ATP6V0D1: variants seen among roughly 807,000 people sequenced by gnomAD.
ATP6V0D1 encodes V-type proton ATPase subunit d 1.
ATP6V0D1 carries 13 observed loss-of-function variants against 39.0 expected under a neutral mutation model. That is an observed-to-expected ratio of 0.33 (90% CI 0.22 to 0.53). The LOEUF is 0.53. Among genes scored for constraint, ATP6V0D1 ranks in the 20% least tolerant of loss-of-function variants. The pLI, the probability that ATP6V0D1 is intolerant of heterozygous loss-of-function variation, is 0.94. For missense variants in ATP6V0D1, 272 were observed against 470.9 expected (o/e 0.58, Z 3.91); for synonymous variants, 191 against 191.2 (o/e 1.00, Z 0.01).
chr16:67,451,647 T>G (rs988729195), intron 2 of ATP6V0D1, among the ~76,000 whole-genome samples: 4 of 152,202 alleles, frequency 2.6e-5, no homozygotes, highest in African/African-American at 9.7e-5. Context: ...GGCTGACACG[T>G]GACTGCTGAG....
At chr16:67,465,654 C>T (rs954894920) in intron 1 of ATP6V0D1, among the ~76,000 whole-genome samples, 2 of 152,200 alleles carry the variant, frequency 1.3e-5, no homozygotes, top group Non-Finnish European at 2.9e-5. Flanking sequence ...GTGTGGTGGG[C>T]AAGGCTGGAG....
intron 1 of ATP6V0D1, among the ~76,000 whole-genome samples, chr16:67,459,633 C>G (rs1377154422): frequency 6.6e-6 from 1 of 152,244 alleles, no homozygotes; most frequent in East Asian, 1.9e-4. Flanking sequence ...GAGGTGGCAG[C>G]TGGGCAGCCC....
chr16:67,473,605 G>C (rs2041392508), intron 1 of ATP6V0D1, among the ~76,000 whole-genome samples: 1 of 152,110 alleles, frequency 6.6e-6, no homozygotes, highest in Admixed American at 6.5e-5. Flanking sequence ...CTCACTGCAA[G>C]CTCCACTTCC....
chr16:67,479,558 A>G (rs2041446355), intron 1 of ATP6V0D1, among the ~76,000 whole-genome samples: 1 of 152,188 alleles, frequency 6.6e-6, no homozygotes, highest in African/African-American at 2.4e-5. Flanking sequence ...CAATTATTGT[A>G]TTTTAACGGT....
intron 2 of ATP6V0D1, among the ~76,000 whole-genome samples, chr16:67,446,563 G>T (rs1029725860): frequency 6.6e-6 from 1 of 152,134 alleles, no homozygotes; most frequent in Non-Finnish European, 1.5e-5. Context: ...CTCAGAGCTC[G>T]CCAGAGCTTT....
At chr16:67,457,416 G>A in intron 1 of ATP6V0D1, 1 of 426,784 alleles carries the variant, frequency 2.3e-6, no homozygotes, top group Non-Finnish European at 4.3e-6. Flanking sequence ...CCCAGCCCTT[G>A]ACCCAGGACA....
intron 1 of ATP6V0D1, among the ~76,000 whole-genome samples, chr16:67,458,175 C>A (rs926581417): frequency 6.6e-6 from 1 of 152,232 alleles, no homozygotes; most frequent in African/African-American, 2.4e-5. Flanking sequence ...CAGTGGCTGG[C>A]AGCCCCAAGC....
At chr16:67,475,200 A>G (rs2041405045) in intron 1 of ATP6V0D1, among the ~76,000 whole-genome samples, 1 of 152,194 alleles carries the variant, frequency 6.6e-6, no homozygotes, top group South Asian at 2.1e-4. Flanking sequence ...TTCTAGAGCT[A>G]ATCTCTCCTT....
chr16:67,467,572 C>T (rs1351981089), intron 1 of ATP6V0D1, among the ~76,000 whole-genome samples: 1 of 152,124 alleles, frequency 6.6e-6, no homozygotes, highest in Non-Finnish European at 1.5e-5. Context: ...CTGGCTAGGA[C>T]TGCGCTGTTG....
Position 67,481,147 on chromosome 16 carries a change from C to A in ATP6V0D1, c.-61G>T, listed in dbSNP as rs2041473444. On this transcript the variant is annotated 5_prime_UTR_variant, in exon 1 of 8. Transcript: ENST00000290949. The stretch of plus-strand genomic sequence containing the variant: ...ACCGGCCGGCACGAATCGCGACTCC[C>A]CAGGTCAGCTGACGCTGCGTCCTCA... 4 of 1,605,266 alleles carry A rather than the reference C, an allele frequency of 2.5e-6. No homozygotes were observed. The highest frequency in any genetic ancestry group is 1.7e-5 in the Admixed American group (1 of 59,538).
intron 1 of ATP6V0D1, among the ~76,000 whole-genome samples, chr16:67,475,480 C>T (rs537922235): frequency 6.6e-6 from 1 of 152,342 alleles, no homozygotes; most frequent in South Asian, 2.1e-4. Flanking sequence ...ATGGGCCCTT[C>T]ACCCATGGCC....
rs550292011 is a variant in ATP6V0D1 at position 67,459,885 on chromosome 16, C to T, written c.131-6170G>A. ...GGCAGCCCCTGGCCAGCATACTGGG[C>T]GGGGCAGACCCGCTTGAGGCTCCCC... On this transcript the variant is annotated intron_variant, in intron 1 of 7. Coordinates refer to ENST00000290949, the MANE Select transcript of ATP6V0D1 (RefSeq NM_004691.5). Among the ~76,000 whole-genome samples the T allele has an allele frequency of 3.9e-5, 6 of 152,342 alleles. No homozygotes were observed. In the South Asian group the frequency reaches 6.2e-4, roughly 16 times the overall value.
intron 1 of ATP6V0D1, chr16:67,457,529 C>T (rs2041249692): frequency 1.6e-6 from 2 of 1,270,196 alleles, no homozygotes; most frequent in African/African-American, 3.1e-5. Context: ...GCCTTCTTCC[C>T]CTCCTCGGAG....
chr16:67,467,598 C>T (rs999782985), intron 1 of ATP6V0D1, among the ~76,000 whole-genome samples: 6 of 152,112 alleles, frequency 3.9e-5, no homozygotes, highest in African/African-American at 7.2e-5. Context: ...TTACAACCTA[C>T]GAGTAAGTGA....
At chr16:67,458,803 T>G (rs757432791) in intron 1 of ATP6V0D1, among the ~76,000 whole-genome samples, 10 of 152,300 alleles carry the variant, frequency 6.6e-5, no homozygotes, top group Non-Finnish European at 1.3e-4. Context: ...AGGCCTAGGC[T>G]TGCTCCTCAG....
At position 67,447,873 on chromosome 16, in the gene ATP6V0D1, C is replaced by A. The variant is rs1192921338; in HGVS notation, c.303-3167G>T. Among the ~76,000 whole-genome samples the A allele has an allele frequency of 6.6e-6, 1 of 152,212 alleles. No homozygotes were observed. The highest frequency in any genetic ancestry group is 1.5e-5 in the Non-Finnish European group (1 of 68,030). On this transcript the variant is annotated intron_variant, in intron 2 of 7. Transcript: ENST00000290949. The surrounding 1 kb of genome is among the most constrained non-coding windows in gnomAD (Gnocchi z 4.1). ...CATGATGCCTGGGTAACCCTGCCAG[C>A]CTGTCCACTGCAGTCCCCAGCAGGT...
intron 1 of ATP6V0D1, among the ~76,000 whole-genome samples, chr16:67,477,043 AAAG>A: frequency 6.7e-6 from 1 of 149,970 alleles, no homozygotes; most frequent in Non-Finnish European, 1.5e-5. Flanking sequence ...AAAAAAAAAA[AAAG>A]AAGTACAAAC....
intron 1 of ATP6V0D1, among the ~76,000 whole-genome samples, chr16:67,474,005 C>T (rs1354742257): frequency 6.6e-6 from 1 of 152,130 alleles, no homozygotes; most frequent in Non-Finnish European, 1.5e-5. Context: ...ACCCATTAAC[C>T]GTCACCCACC....
intron 2 of ATP6V0D1, among the ~76,000 whole-genome samples, chr16:67,448,857 C>A (rs2041146878): frequency 6.6e-6 from 1 of 152,254 alleles, no homozygotes; most frequent in Middle Eastern, 3.4e-3. Context: ...TCCTTCAAGG[C>A]AGGAGCCAGG....
Sources: gnomAD v4.1 joint callset for allele counts (sites outside exome capture counted in the v4.1 genomes callset) on GRCh38, gnomAD v4.1.1 for gene constraint, Gnocchi (gnomAD v3.1) non-coding constraint, MANE v1.5 for transcripts, NCBI Gene and HGNC (gene_info 2026-07-23, HGNC 2026-07-21) for gene names.